Variants in DUSP4 observed in about 807,000 individuals in gnomAD.
DUSP4 encodes dual specificity protein phosphatase 4.
In DUSP4, 12 loss-of-function variants were observed where a neutral mutation model predicts 27.2. The ratio of observed to expected loss-of-function variants is 0.44; its 90% CI spans 0.28 to 0.71. DUSP4 has a LOEUF of 0.71. DUSP4 is among the 30% of genes least tolerant of loss of function. The pLI, the probability that DUSP4 is intolerant of heterozygous loss-of-function variation, is 0.14. For missense variants in DUSP4, 448 were observed against 551.3 expected, an observed-to-expected ratio of 0.81 and a Z score of 1.88; for synonymous variants, 257 against 245.2, an observed-to-expected ratio of 1.05 and a Z score of -0.45.
chr8:29,336,794 T>C lies in DUSP4; in HGVS notation c.*232A>G, dbSNP rs1402928818. The C allele has an allele frequency of 1.9e-6, 1 of 533,074 alleles. No homozygotes were observed. Among genetic ancestry groups the C allele is most frequent in the Non-Finnish European group, 3.1e-6 (1 of 323,232 alleles). 33.0% of individuals were successfully genotyped at this position (533,074 alleles called of 1,614,324 possible). On this transcript the variant is annotated 3_prime_UTR_variant, in exon 4 of 4. Coordinates refer to ENST00000240100, the MANE Select transcript of DUSP4 (RefSeq NM_001394.7). Reference sequence around the variant, plus strand: ...ACATAAACCAAACCAAGGTCTTCCCTGGCTGCTGCGGCAGCCGTTATTGCT... The same window carrying C: ...ACATAAACCAAACCAAGGTCTTCCCCGGCTGCTGCGGCAGCCGTTATTGCT...
At position 29,338,314 on chromosome 8, in the gene DUSP4, C is replaced by T. The variant is rs748514096; in HGVS notation, c.767G>A (p.Ser256Asn). 1 of 1,614,198 alleles carries T rather than the reference C, an allele frequency of 6.2e-7. No homozygotes were observed. ...PVEDNHKADI[S>N]SWFMEAIEYI... ...CTCTATGGCTTCCATGAACCAGGAG[C>T]TGATGTCGGCCTTGTGGTTATCTTC... Residue 256 changes from serine (S) to asparagine (N), a missense_variant, in exon 3 of 4, where the codon AGC becomes AAC. By Grantham distance (46) the Ser-to-Asn change is conservative (BLOSUM62 1). Around this residue, in one of 3 missense-constraint regions of DUSP4, gnomAD observed 345 missense variants for 394.0 expected, o/e 0.88. Coordinates refer to ENST00000240100, the MANE Select transcript of DUSP4 (RefSeq NM_001394.7).
chr8:29,343,504 G>A (rs1394719801), intron 1 of DUSP4, among the ~76,000 whole-genome samples: 1 of 152,214 alleles, frequency 6.6e-6, no homozygotes, highest in Non-Finnish European at 1.5e-5. Context: ...AGTCATCTCT[G>A]GGTGTCAGTC....
In DUSP4 at chr8:29,336,859, G is replaced by A. The variant is rs1817580399; in HGVS notation, c.*167C>T. On this transcript the variant is annotated 3_prime_UTR_variant, in exon 4 of 4. Transcript: ENST00000240100. ...TCTGTTTGCTTTTATTATGTATTCG[G>A]AGTCCTTATTGCCATTCTGGCTGGC... The A allele has an allele frequency of 6.3e-6, 6 of 945,146 alleles. No homozygotes were observed. Among genetic ancestry groups the A allele is most frequent in the Non-Finnish European group, 9.1e-6 (6 of 659,944 alleles). 58.5% of individuals were successfully genotyped at this position (945,146 alleles called of 1,614,324 possible).
Position 29,350,531 on chromosome 8 carries a change from C to G in DUSP4, c.-253G>C. Reference sequence around the variant, plus strand: ...GCGCGCAGAGCGGAGGGGGAGGCGCCGGTGGAGGAGAGTGTGTTTACGAGA... The same window carrying G: ...GCGCGCAGAGCGGAGGGGGAGGCGCGGGTGGAGGAGAGTGTGTTTACGAGA... On this transcript the variant is annotated 5_prime_UTR_variant, in exon 1 of 4. Coordinates refer to ENST00000240100, the MANE Select transcript of DUSP4 (RefSeq NM_001394.7). 1 of 517,292 alleles carries G rather than the reference C, an allele frequency of 1.9e-6. No individual in the cohort carries two copies. The highest frequency in any genetic ancestry group is 3.4e-6 in the Non-Finnish European group (1 of 296,286). 32.0% of individuals were successfully genotyped at this position (517,292 alleles called of 1,614,324 possible). A position where few individuals can be genotyped will look rare whatever the true frequency, so the allele number is the denominator to read the frequency against.
chr8:29,338,783 G>A (rs1042856575), intron 2 of DUSP4, among the ~76,000 whole-genome samples: 1 of 152,198 alleles, frequency 6.6e-6, no homozygotes. Flanking sequence ...CAAAATAAGC[G>A]GCAGGACAAT....
chr8:29,347,832 C>G, intron 1 of DUSP4: 2 of 985,648 alleles, frequency 2.0e-6, no homozygotes, highest in Non-Finnish European at 2.4e-6. Flanking sequence ...CGCCCAGAAT[C>G]TCCAGGGCTC....
intron 2 of DUSP4, among the ~76,000 whole-genome samples, chr8:29,339,870 C>T (rs528231645): frequency 1.9e-4 from 27 of 145,460 alleles, no homozygotes; most frequent in African/African-American, 6.3e-4. Context: ...TAAAATTAGC[C>T]AGGCATGGTA....
chr8:29,340,031 A>G, intron 2 of DUSP4, 67 bp downstream of exon 2: 1 of 1,510,406 alleles, frequency 6.6e-7, no homozygotes. Context: ...AACTCTGAAA[A>G]GAAGGCATCC....
chr8:29,350,006 C>G lies in DUSP4; in HGVS notation c.273G>C (p.Glu91Asp), dbSNP rs771633502. The G allele has an allele frequency of 1.0e-5, 16 of 1,595,632 alleles. No individual in the cohort carries two copies. The highest frequency in any genetic ancestry group is 2.3e-5 in the East Asian group (1 of 44,060). The stretch of plus-strand genomic sequence containing the variant: ...CGGAGCGCAAGCGGGCGCGTACCTC[C>G]TCCTCGGCGGGCAGGATCTGCTCCA... Reference protein sequence around the residue: ...VSLEQILPAEEEVRARLRSGL... With the variant: ...VSLEQILPAEDEVRARLRSGL... The change falls in exon 1 of 4, where the codon GAG becomes GAC. Residue 91 changes from glutamate (E) to aspartate (D), a missense_variant. Physicochemically the swap from Glu to Asp is conservative, Grantham distance 45. Coordinates refer to ENST00000240100, the MANE Select transcript of DUSP4 (RefSeq NM_001394.7).
At chr8:29,338,579 A>G in intron 2 of DUSP4, 78 bp from the exon 3 acceptor site, 1 of 1,482,268 alleles carries the variant, frequency 6.7e-7, no homozygotes, top group Non-Finnish European at 9.1e-7. Context: ...AGCTTGTCTG[A>G]GAAGAGCTTT....
rs568666054 is a variant in DUSP4 at position 29,337,837 on chromosome 8, G to A, written c.800-426C>T. Among the ~76,000 whole-genome samples the A allele has an allele frequency of 2.6e-5, 4 of 152,232 alleles. No individual in the cohort carries two copies. The East Asian group carries it at 7.7e-4, about 29-fold the overall frequency. ...GCGTGGTGGTGCACTTGTAGTCCCA[G>A]CTACTCCAGAGGCTGAGGCAGGAGA... On this transcript the variant is annotated intron_variant, in intron 3 of 3. Coordinates refer to ENST00000240100, the MANE Select transcript of DUSP4 (RefSeq NM_001394.7). This position sits in a 1 kb window ranked among gnomAD's most constrained non-coding sequence, Gnocchi z 6.4.
chr8:29,339,447 A>G (rs1252018029), intron 2 of DUSP4, among the ~76,000 whole-genome samples: 1 of 152,156 alleles, frequency 6.6e-6, no homozygotes, highest in African/African-American at 2.4e-5. Flanking sequence ...GATGTATTTC[A>G]TGGCCTGCTA....
chr8:29,349,115 G>C (rs1443858822), intron 1 of DUSP4, among the ~76,000 whole-genome samples: 1 of 152,184 alleles, frequency 6.6e-6, no homozygotes, highest in Non-Finnish European at 1.5e-5. Flanking sequence ...TCGAAAATCC[G>C]GGCTGAACAA....
At position 29,349,912 on chromosome 8, in the gene DUSP4, T is replaced by C. The variant is rs1261236591; in HGVS notation, c.367A>G (p.Thr123Ala). ...PRAESLREDSTVSLVVQALRR... is the reference protein window; with the variant it reads ...PRAESLREDSAVSLVVQALRR... Reference sequence around the variant, plus strand: ...AGCGCCTGCACCACCAGCGACACGGTGCTGTCCTCGCGGAGGCTCTCGGCG... The same window carrying C: ...AGCGCCTGCACCACCAGCGACACGGCGCTGTCCTCGCGGAGGCTCTCGGCG... Residue 123 changes from threonine (T) to alanine (A), a missense_variant, in exon 1 of 4, where the codon ACC becomes GCC. This residue lies in a region of DUSP4 where 345 missense variants were observed against 394.0 expected (regional missense o/e 0.88). Transcript: ENST00000240100. 1.3e-6 allele frequency: 2 copies of C among 1,588,430 alleles called. No individual in the cohort carries two copies. Among genetic ancestry groups the C allele is most frequent in the South Asian group, 1.1e-5 (1 of 89,146 alleles).
At position 29,334,437 on chromosome 8, in the gene DUSP4, G is replaced by C. The variant is rs947244151; in HGVS notation, c.*2589C>G. 7 of 152,172 alleles carry C rather than the reference G, an allele frequency of 4.6e-5. No homozygotes were observed. Among genetic ancestry groups the C allele is most frequent in the African/African-American group, 1.7e-4 (7 of 41,432 alleles). 9.4% of individuals were successfully genotyped at this position (152,172 alleles called of 1,614,324 possible). On this transcript the variant is annotated 3_prime_UTR_variant, in exon 4 of 4. Transcript: ENST00000240100. ...TTTATTTCTAAAAGTTTTGGGACTC[G>C]TGCTGTTATCAAGTACAATGAAAAT...
intron 1 of DUSP4, among the ~76,000 whole-genome samples, chr8:29,346,689 G>C (rs1817738962): frequency 6.6e-6 from 1 of 152,130 alleles, no homozygotes; most frequent in Non-Finnish European, 1.5e-5. Context: ...TTTCGTTATT[G>C]CTTTTAGCAA....
chr8:29,345,963 G>A, intron 1 of DUSP4: 1 of 426,090 alleles, frequency 2.3e-6, no homozygotes, highest in Non-Finnish European at 2.6e-6. Context: ...AGAAAAGCGA[G>A]TCATTTTCCC....
chr8:29,344,987 ACATGC>A (rs1370253424), intron 1 of DUSP4, among the ~76,000 whole-genome samples: 4 of 152,172 alleles, frequency 2.6e-5, no homozygotes, highest in African/African-American at 9.7e-5. Context: ...GATTACAGGC[ACATGC>A]CATCTCGCCC....
At chr8:29,345,296 T>C in intron 1 of DUSP4, 2 of 1,557,346 alleles carry the variant, frequency 1.3e-6, no homozygotes, top group South Asian at 2.3e-5. Flanking sequence ...CTCTACTTTA[T>C]GTGACTGTTG....
Sources: allele counts gnomAD v4.1 joint callset (sites outside exome capture counted in the v4.1 genomes callset), GRCh38; gene constraint gnomAD v4.1.1; regional missense constraint gnomAD v4.1.1; non-coding constraint Gnocchi (gnomAD v3.1); transcripts MANE v1.5; gene names NCBI Gene and HGNC (gene_info 2026-07-23, HGNC 2026-07-21).